GREB1: variants seen among roughly 807,000 people sequenced by gnomAD.
The protein encoded by GREB1 is growth regulating estrogen receptor binding 1.
In GREB1, 106 loss-of-function variants were observed where a neutral mutation model predicts 200.7. The ratio of observed to expected loss-of-function variants is 0.53; its 90% CI spans 0.45 to 0.62. The LOEUF is 0.62. Among genes scored for constraint, GREB1 ranks in the 20% least tolerant of loss-of-function variants. The pLI, the probability that GREB1 is intolerant of heterozygous loss-of-function variation, is 0.00. For synonymous variants in GREB1, 1,132 were observed against 1,092.4 expected (o/e 1.04, Z -0.72); for missense variants, 2,243 against 2,556.8 (o/e 0.88, Z 2.65).
At chr2:11,579,397 G>T (rs963176311) in intron 6 of GREB1, among the ~76,000 whole-genome samples, 1 of 152,246 alleles carries the variant, frequency 6.6e-6, no homozygotes, top group Non-Finnish European at 1.5e-5. Flanking sequence ...CATCTGTAAA[G>T]TTGGGCAAAT....
Position 11,642,696 on chromosome 2 carries a change from C to T in GREB1, c.*2242C>T, listed in dbSNP as rs915211308. On this transcript the variant is annotated 3_prime_UTR_variant, in exon 33 of 33. Transcript: ENST00000381486. Reference sequence around the variant, plus strand: ...TAAATAGCAGCTTTTGTGTCATTCTCCCCACTTTATTAGTTAATTTAAATT... The same window carrying T: ...TAAATAGCAGCTTTTGTGTCATTCTTCCCACTTTATTAGTTAATTTAAATT... 2.6e-5 allele frequency: 4 copies of T among 152,232 alleles called. No homozygotes were observed. The East Asian group carries it at 5.8e-4, about 22-fold the overall frequency. 9.4% of individuals were successfully genotyped at this position (152,232 alleles called of 1,614,324 possible).
In GREB1 at chr2:11,495,796, GT is replaced by G. The variant is rs71393887; in HGVS notation, c.-159+13432del. On this transcript the variant is annotated intron_variant, in intron 1 of 2. Transcript: ENST00000628795. ...AATCTTGGTTAGGATAAGTCCCCCC[GT>G]TTTTTTTTTTTTTTTTGAGTGAACG... is the stretch of plus-strand genomic sequence containing the variant. 9.7e-3 allele frequency among the ~76,000 whole-genome samples: 1,332 copies of G among 136,908 alleles called. 6 individuals carry two copies. The highest frequency in any genetic ancestry group is 0.022 in the African/African-American group (793 of 36,804). The allele number at this position is 136,908 out of a possible 152,430, so 89.8% of individuals were successfully genotyped here.
chr2:11,507,430 A>G (rs1322229457), intron 1 of GREB1, among the ~76,000 whole-genome samples: 2 of 151,956 alleles, frequency 1.3e-5, no homozygotes, highest in African/African-American at 4.8e-5. Context: ...CATAAACCGA[A>G]AAACAATAAT....
intron 1 of GREB1, among the ~76,000 whole-genome samples, chr2:11,485,794 G>T (rs554053850): frequency 6.6e-6 from 1 of 152,324 alleles, no homozygotes; most frequent in Admixed American, 6.5e-5. Context: ...AAAGAAAACT[G>T]TGTTCACTTT....
chr2:11,503,337 A>G (rs1293675022), intron 1 of GREB1, among the ~76,000 whole-genome samples: 1 of 152,182 alleles, frequency 6.6e-6, no homozygotes, highest in African/African-American at 2.4e-5. Flanking sequence ...GGCATTGTTC[A>G]TATTCACATT....
At chr2:11,638,648 C>T (rs374059505) in intron 31 of GREB1, 23 bp from the exon 32 acceptor site, 2 of 1,609,132 alleles carry the variant, frequency 1.2e-6, no homozygotes, top group Non-Finnish European at 1.7e-6. Context: ...ACGGTGCCCT[C>T]TCTTGGATTT....
At chr2:11,537,305 T>C (rs1443054478) in intron 1 of GREB1, among the ~76,000 whole-genome samples, 1 of 152,172 alleles carries the variant, frequency 6.6e-6, no homozygotes, top group Non-Finnish European at 1.5e-5. Context: ...ATTTATTTAT[T>C]CACAGGTGGC....
upstream of GREB1, among the ~76,000 whole-genome samples, chr2:11,530,869 G>A (rs547701355): frequency 1.3e-5 from 2 of 152,252 alleles, no homozygotes; most frequent in East Asian, 3.9e-4. Flanking sequence ...GCCAATGTGG[G>A]AAGGCTGTGT....
Position 11,634,188 on chromosome 2 carries a change from G to A in GREB1, c.5049G>A (p.Glu1683=). The A allele has an allele frequency of 6.2e-7, 1 of 1,614,218 alleles. No homozygotes were observed. The highest frequency in any genetic ancestry group is 8.5e-7 in the Non-Finnish European group (1 of 1,180,034). ...TGAAGCACATCATGCAGCACATCGA[G>A]GCGGCCCCCGACATCATGCACTACG... The part of the protein sequence containing the change: ...VSLKHIMQHI[E]AAPDIMHYAL... The change falls in exon 29 of 33, where the codon GAG becomes GAA. Residue 1683 remains glutamate, a synonymous_variant. Transcript: ENST00000381486.
chr2:11,505,079 A>T (rs1340913425), intron 1 of GREB1, among the ~76,000 whole-genome samples: 2 of 152,114 alleles, frequency 1.3e-5, no homozygotes, highest in Non-Finnish European at 2.9e-5. Context: ...CTACAGGAGC[A>T]TGCAACCATG....
chr2:11,620,070 G>A (rs1307617993), intron 22 of GREB1, among the ~76,000 whole-genome samples: 3 of 152,126 alleles, frequency 2.0e-5, no homozygotes, highest in African/African-American at 7.2e-5. Context: ...TCCGCCTCCC[G>A]GGTTCAAGCG....
intron 1 of GREB1, among the ~76,000 whole-genome samples, chr2:11,491,697 A>C (rs75906878): frequency 2.0e-5 from 3 of 152,174 alleles, no homozygotes; most frequent in Non-Finnish European, 4.4e-5. Context: ...CTTGGCATGT[A>C]GTAGGTCTTA....
intron 25 of GREB1, among the ~76,000 whole-genome samples, chr2:11,627,632 A>G (rs969050248): frequency 6.6e-6 from 1 of 152,232 alleles, no homozygotes; most frequent in African/African-American, 2.4e-5. Flanking sequence ...CTTTTTATAT[A>G]TCAGTCTCTC....
At chr2:11,577,637 T>A (rs1679011834) in intron 5 of GREB1, among the ~76,000 whole-genome samples, 2 of 152,186 alleles carry the variant, frequency 1.3e-5, no homozygotes, top group Non-Finnish European at 2.9e-5. Context: ...CTCCCTTGTC[T>A]GTGTTTGTTC....
intron 2 of GREB1, among the ~76,000 whole-genome samples, chr2:11,559,150 C>T (rs767068641): frequency 5.9e-5 from 9 of 152,144 alleles, no homozygotes; most frequent in Non-Finnish European, 1.2e-4. Flanking sequence ...TAGCCTTGTA[C>T]GGAATGGAGG....
intron 17 of GREB1, among the ~76,000 whole-genome samples, chr2:11,604,015 C>T (rs75132153): frequency 0.011 from 1,686 of 152,280 alleles, 31 homozygotes; most frequent in African/African-American, 0.039. Flanking sequence ...TCCAAAACCA[C>T]GTAGCCACCA....
Position 11,562,609 on chromosome 2 carries a change from G to A in GREB1, c.277+27G>A, listed in dbSNP as rs890018548. 5.1e-6 allele frequency: 8 copies of A among 1,555,664 alleles called. No individual in the cohort carries two copies. The East Asian group carries it at 1.7e-4, about 33-fold the overall frequency. ...TGAGCCTCTGCCAGCTCCTGGCCAG[G>A]CAGTGCCTGCCATGCTGCCCGGAGG... On this transcript the variant is annotated intron_variant, in intron 3 of 32. Transcript: ENST00000381486.
At chr2:11,564,553 A>G (rs1677424307) in intron 3 of GREB1, among the ~76,000 whole-genome samples, 1 of 152,210 alleles carries the variant, frequency 6.6e-6, no homozygotes, top group Admixed American at 6.5e-5. Context: ...TCCATTGGTC[A>G]TTAGATTTTC....
Position 11,638,650 on chromosome 2 carries a change from CTT to C in GREB1, c.5548-20_5548-19del. The C allele has an allele frequency of 5.6e-6, 9 of 1,609,366 alleles. No homozygotes were observed. The highest frequency in any genetic ancestry group is 7.6e-6 in the Non-Finnish European group (9 of 1,178,612). The stretch of plus-strand genomic sequence containing the variant: ...CATTTCATAGAAAACGGTGCCCTCT[CTT>C]GGATTTCTTCTTTTTCAGATTTCTG... On this transcript the variant is annotated intron_variant, in intron 31 of 32. Coordinates refer to ENST00000381486, the MANE Select transcript of GREB1 (RefSeq NM_014668.4).
Sources: gnomAD v4.1 joint callset for allele counts (sites outside exome capture counted in the v4.1 genomes callset) on GRCh38, gnomAD v4.1.1 for gene constraint, MANE v1.5 for transcripts, NCBI Gene and HGNC (gene_info 2026-07-23, HGNC 2026-07-21) for gene names.